PABPC4L: variants seen among roughly 807,000 people sequenced by gnomAD.
PABPC4L encodes the protein poly(A) binding protein cytoplasmic 4 like, also known as polyadenylate-binding protein 4-like.
For synonymous variants in PABPC4L, 169 were observed against 164.1 expected, an observed-to-expected ratio of 1.03 and a Z score of -0.23; for missense variants, 452 against 451.4, an observed-to-expected ratio of 1.00 and a Z score of -0.01.
chr4:134,163,820 A>G, the PABPC4L span, among the ~76,000 whole-genome samples: 1 of 152,070 alleles, frequency 6.6e-6, no homozygotes, highest in Non-Finnish European at 1.5e-5. Context: ...ATCCTCAACA[A>G]CTTAGGTATA....
chr4:133,993,163 G>A, the PABPC4L span, among the ~76,000 whole-genome samples: 1 of 152,122 alleles, frequency 6.6e-6, no homozygotes, highest in African/African-American at 2.4e-5. Context: ...AATTTATGAT[G>A]TAAATTTTAA....
chr4:134,133,384 T>C, the PABPC4L span, among the ~76,000 whole-genome samples: 1 of 143,538 alleles, frequency 7.0e-6, no homozygotes, highest in East Asian at 2.0e-4. Context: ...TTATACATAA[T>C]ATATAATAAT....
At position 134,201,760 on chromosome 4, in the gene PABPC4L, G is replaced by C. The variant is rs1345486513; in HGVS notation, c.-269C>G. 6.6e-6 allele frequency: 1 copy of C among 152,482 alleles called. No individual in the cohort carries two copies. Among genetic ancestry groups the C allele is most frequent in the Non-Finnish European group, 1.5e-5 (1 of 68,272 alleles). The allele number at this position is 152,482 out of a possible 1,614,324, so 9.4% of individuals were successfully genotyped here. ...CGGGCGGGAAGCCCGGAACTCGCGC[G>C]CTGAACTTCCCGCGCACTCGCTGCC... On this transcript the variant is annotated 5_prime_UTR_variant, in exon 1 of 2. Coordinates refer to ENST00000421491, the MANE Select transcript of PABPC4L (RefSeq NM_001114734.2).
chr4:134,191,080 T>C, the PABPC4L span, among the ~76,000 whole-genome samples: 2 of 152,174 alleles, frequency 1.3e-5, no homozygotes, highest in African/African-American at 4.8e-5. Flanking sequence ...AGTAGAAATA[T>C]TCAGTATGAT....
chr4:134,029,766 T>G, the PABPC4L span, among the ~76,000 whole-genome samples: 11 of 151,988 alleles, frequency 7.2e-5, no homozygotes, highest in African/African-American at 2.7e-4. Flanking sequence ...TGTATTTTTT[T>G]TAATTTTGAA....
chr4:133,995,500 T>C, the PABPC4L span, among the ~76,000 whole-genome samples: 9 of 152,200 alleles, frequency 5.9e-5, no homozygotes, highest in African/African-American at 1.9e-4. Context: ...CAATAAGATA[T>C]CAGCGGCCTG....
At chr4:133,956,982 T>C in the PABPC4L span, among the ~76,000 whole-genome samples, 309 of 152,252 alleles carry the variant, frequency 2.0e-3, 1 homozygote, top group African/African-American at 7.2e-3. Flanking sequence ...CAATTTTAGA[T>C]GTGATTTGGG....
At chr4:134,019,972 C>T in the PABPC4L span, among the ~76,000 whole-genome samples, 48 of 152,110 alleles carry the variant, frequency 3.2e-4, no homozygotes, top group Non-Finnish European at 6.2e-4. Context: ...CACACCCACT[C>T]ACCTATCAAG....
chr4:133,998,129 T>A, the PABPC4L span, among the ~76,000 whole-genome samples: 1 of 151,782 alleles, frequency 6.6e-6, no homozygotes, highest in Admixed American at 6.6e-5. Context: ...ATAATTTTTA[T>A]AATATATCTT....
chr4:134,132,300 T>C, the PABPC4L span, among the ~76,000 whole-genome samples: 1 of 151,952 alleles, frequency 6.6e-6, no homozygotes, highest in South Asian at 2.1e-4. Flanking sequence ...AGAAAATCTT[T>C]GCGGTCTGGA....
the PABPC4L span, among the ~76,000 whole-genome samples, chr4:134,006,871 T>G: frequency 6.6e-6 from 1 of 151,522 alleles, no homozygotes; most frequent in South Asian, 2.1e-4. Context: ...TGTGATCTTC[T>G]GCTAACATAT....
chr4:134,064,527 C>T, the PABPC4L span, among the ~76,000 whole-genome samples: 1 of 152,038 alleles, frequency 6.6e-6, no homozygotes, highest in Non-Finnish European at 1.5e-5. Context: ...AAGTCTGCCT[C>T]TCTCACCTCT....
the PABPC4L span, among the ~76,000 whole-genome samples, chr4:134,118,631 T>C: frequency 6.6e-5 from 10 of 151,840 alleles, no homozygotes; most frequent in Non-Finnish European, 1.5e-4. Context: ...AATTTTCCCT[T>C]ATTGCTGATA....
the PABPC4L span, among the ~76,000 whole-genome samples, chr4:134,039,821 A>G: frequency 6.6e-6 from 1 of 151,952 alleles, no homozygotes; most frequent in Admixed American, 6.6e-5. Flanking sequence ...GCCCATTTAC[A>G]TTTAAGGTTA....
chr4:134,179,753 A>G, the PABPC4L span, among the ~76,000 whole-genome samples: 3 of 152,092 alleles, frequency 2.0e-5, no homozygotes, highest in East Asian at 1.9e-4. Flanking sequence ...TGGTTTAAAG[A>G]TACTTTAAAT....
chr4:134,191,456 C>T (rs919970356), downstream of PABPC4L, among the ~76,000 whole-genome samples: 2 of 151,878 alleles, frequency 1.3e-5, no homozygotes, highest in Admixed American at 1.3e-4. Context: ...AAGTAAGTCT[C>T]AATAAATTTA....
chr4:134,159,669 T>C, the PABPC4L span, among the ~76,000 whole-genome samples: 7 of 152,130 alleles, frequency 4.6e-5, no homozygotes, highest in African/African-American at 7.2e-5. Flanking sequence ...CTGACTAACG[T>C]GGCCAGGGGC....
the PABPC4L span, among the ~76,000 whole-genome samples, chr4:134,182,115 C>A: frequency 6.6e-6 from 1 of 151,042 alleles, no homozygotes; most frequent in Non-Finnish European, 1.5e-5. Context: ...AACAAAAAAA[C>A]TATCTAAAAA....
At chr4:133,966,051 A>G in the PABPC4L span, among the ~76,000 whole-genome samples, 6 of 152,328 alleles carry the variant, frequency 3.9e-5, no homozygotes, top group Non-Finnish European at 7.4e-5. Context: ...AATGGGAGAC[A>G]ATTTTACAAT....
Sources: gnomAD v4.1 joint callset for allele counts (sites outside exome capture counted in the v4.1 genomes callset) on GRCh38, gnomAD v4.1.1 for gene constraint, MANE v1.5 for transcripts, NCBI Gene and HGNC (gene_info 2026-07-23, HGNC 2026-07-21) for gene names.